Variants in ZMYM1 observed in about 807,000 individuals in gnomAD.
ZMYM1 encodes zinc finger MYM-type containing 1.
Under a neutral mutation model 60.0 loss-of-function variants are expected in ZMYM1, and 39 were observed. The observed-to-expected ratio is 0.65, with a 90% CI of 0.50 to 0.85. The LOEUF is 0.85. Among genes scored for constraint, ZMYM1 ranks in the 40% least tolerant of loss-of-function variants. The pLI is 0.00. For synonymous variants in ZMYM1, 413 were observed against 454.0 expected (o/e 0.91, Z 1.15); for missense variants, 1,171 against 1,309.5 (o/e 0.89, Z 1.63).
chr1:35,061,022 C>G (rs1034458194), intron 1 of ZMYM1, among the ~76,000 whole-genome samples: 1 of 152,222 alleles, frequency 6.6e-6, no homozygotes, highest in Admixed American at 6.5e-5. Context: ...CAATGGACAC[C>G]TGCCATGGCC....
chr1:35,083,394 C>T (rs1642492302), intron 1 of ZMYM1, among the ~76,000 whole-genome samples: 1 of 151,726 alleles, frequency 6.6e-6, no homozygotes, highest in South Asian at 2.1e-4. Context: ...CTAAGCAGTC[C>T]TCTGTCCTCT....
chr1:35,072,260 T>C (rs1642080965), intron 1 of ZMYM1, among the ~76,000 whole-genome samples: 1 of 152,222 alleles, frequency 6.6e-6, no homozygotes. Flanking sequence ...TTTTGCTCTG[T>C]TCAGATTTTC....
Position 35,115,217 on chromosome 1 carries a change from T to A in ZMYM1, c.3387T>A (p.Asn1129Lys). ...AACTAATGGAGCCTGAAAGACTCAA[T>A]GAAATTGTGGAAAAGTTTATCAGTC... is the stretch of plus-strand genomic sequence containing the variant. Reference protein sequence around the residue: ...VNKLMEPERLNEIVEKFISQM... With the variant: ...VNKLMEPERLKEIVEKFISQM... The change falls in exon 10 of 10, where the codon AAT becomes AAA. Residue 1129 changes from asparagine to lysine, a missense_variant. By Grantham distance (94) the Asn-to-Lys change is moderately conservative. Coordinates refer to ENST00000359858, the MANE Select transcript of ZMYM1 (RefSeq NM_024772.5). 1 of 1,600,350 alleles carries A rather than the reference T, an allele frequency of 6.2e-7. No homozygotes were observed. The highest frequency in any genetic ancestry group is 1.8e-5 in the Admixed American group (1 of 55,710).
At chr1:35,085,339 G>A (rs1030525464) in intron 1 of ZMYM1, among the ~76,000 whole-genome samples, 8 of 152,148 alleles carry the variant, frequency 5.3e-5, no homozygotes, top group Admixed American at 3.9e-4. Flanking sequence ...GAGCCACCGC[G>A]CCCGGCCCCC....
At chr1:35,060,206 G>T (rs1641847388) in intron 1 of ZMYM1, among the ~76,000 whole-genome samples, 2 of 150,808 alleles carry the variant, frequency 1.3e-5, no homozygotes, top group East Asian at 1.9e-4. Context: ...TTTCGCTCTT[G>T]TTGCCCAGGC....
At chr1:35,107,965 C>T (rs1275007698) in intron 6 of ZMYM1, among the ~76,000 whole-genome samples, 6 of 152,012 alleles carry the variant, frequency 3.9e-5, no homozygotes, top group East Asian at 1.9e-4. Flanking sequence ...AAAAATTAGC[C>T]GGGCATAGTG....
chr1:35,088,738 T>TA (rs2148503352), intron 1 of ZMYM1, among the ~76,000 whole-genome samples: 1 of 151,244 alleles, frequency 6.6e-6, no homozygotes, highest in African/African-American at 2.4e-5. Context: ...CATGTTTTGC[T>TA]CTTCTTATAG....
chr1:35,103,921 G>C (rs575336198), intron 4 of ZMYM1, among the ~76,000 whole-genome samples: 36 of 152,174 alleles, frequency 2.4e-4, no homozygotes, highest in African/African-American at 7.5e-4. Context: ...AATAATACAG[G>C]CTGGCTAGTC....
At position 35,113,382 on chromosome 1, in the gene ZMYM1, A is replaced by G. The variant is rs1459965512; in HGVS notation, c.1552A>G (p.Met518Val). The G allele has an allele frequency of 8.7e-6, 14 of 1,613,628 alleles. No homozygotes were observed. The highest frequency in any genetic ancestry group is 1.2e-5 in the Non-Finnish European group (14 of 1,179,940). Residue 518 changes from methionine to valine, a missense_variant, in exon 10 of 10, where the codon ATG becomes GTG. Coordinates refer to ENST00000359858, the MANE Select transcript of ZMYM1 (RefSeq NM_024772.5). ...ATTCAGAAAGCATGAAAAAAGTGAAATGCATTTGAAGTCATTGGAATTTTG... is the reference window on the plus strand; with the variant it reads ...ATTCAGAAAGCATGAAAAAAGTGAAGTGCATTTGAAGTCATTGGAATTTTG... ...EKFRKHEKSE[M>V]HLKSLEFWRE...
rs190999570 is a variant in ZMYM1, at chr1:35,067,224, C to T, written c.-301+7299C>T. Among the ~76,000 whole-genome samples the T allele has an allele frequency of 2.0e-3, 300 of 152,162 alleles. 1 individual carries two copies. The highest frequency in any genetic ancestry group is 0.01 in the Middle Eastern group (3 of 294). On this transcript the variant is annotated intron_variant, in intron 1 of 10. Coordinates refer to the ZMYM1 transcript ENST00000417119. ...GAACTCCTGACCTCAAGTGATCTGT[C>T]CACCTTGGCCTCTCAAAGTGCTGGA...
intron 3 of ZMYM1, 73 bp from the exon 4 acceptor site, chr1:35,097,244 A>C (rs1421042813): frequency 1.1e-5 from 17 of 1,495,332 alleles, no homozygotes; most frequent in Non-Finnish European, 1.3e-5. Context: ...AAAAGAAAGA[A>C]AGAAAATAAA....
chr1:35,101,321 C>A (rs533781064), intron 4 of ZMYM1, among the ~76,000 whole-genome samples: 1 of 151,184 alleles, frequency 6.6e-6, no homozygotes, highest in Non-Finnish European at 1.5e-5. Context: ...GTTGGCCAGG[C>A]TGGTCTCCCA....
intron 3 of ZMYM1, among the ~76,000 whole-genome samples, chr1:35,097,048 C>T (rs1643372951): frequency 6.6e-6 from 1 of 152,018 alleles, no homozygotes; most frequent in South Asian, 2.1e-4. Context: ...TGGTCTTGAA[C>T]TCTGACCTCA....
chr1:35,063,466 G>A (rs1166615466), intron 1 of ZMYM1, among the ~76,000 whole-genome samples: 14 of 151,874 alleles, frequency 9.2e-5, no homozygotes, highest in Admixed American at 9.2e-4. Flanking sequence ...AACCAATGGC[G>A]AATTTTTAAA....
At chr1:35,064,292 CA>C (rs371084383) in intron 1 of ZMYM1, among the ~76,000 whole-genome samples, 113 of 54,502 alleles carry the variant, frequency 2.1e-3, no homozygotes, top group Admixed American at 9.3e-3. Context: ...GATCCTGTCT[CA>C]AAAAAAAAAA....
chr1:35,108,376 C>A (rs1643964852), intron 6 of ZMYM1, among the ~76,000 whole-genome samples: 1 of 151,908 alleles, frequency 6.6e-6, no homozygotes, highest in Non-Finnish European at 1.5e-5. Context: ...TTTTGAGACA[C>A]AGTCTTGCTC....
intron 1 of ZMYM1, among the ~76,000 whole-genome samples, chr1:35,070,765 T>C (rs753419248): frequency 2.6e-5 from 4 of 152,070 alleles, no homozygotes; most frequent in Non-Finnish European, 4.4e-5. Flanking sequence ...ATATGGCCTT[T>C]ATTGTGTTGA....
At chr1:35,091,282 G>A (rs919639491) in intron 1 of ZMYM1, among the ~76,000 whole-genome samples, 5 of 151,776 alleles carry the variant, frequency 3.3e-5, no homozygotes, top group Non-Finnish European at 7.4e-5. Flanking sequence ...GCGCGATCTC[G>A]GCTCACTGCA....
chr1:35,093,920 G>A lies in ZMYM1; in HGVS notation c.-68G>A. 1.8e-6 allele frequency: 2 copies of A among 1,104,244 alleles called. No individual in the cohort carries two copies. The highest frequency in any genetic ancestry group is 1.3e-6 in the Non-Finnish European group (1 of 773,110). 68.4% of individuals were successfully genotyped at this position (1,104,244 alleles called of 1,614,324 possible). ...TATCAATATTTTATTTTAGGAATCT[G>A]GAAACTGTTCTTCAGGAAGAAACCC... On this transcript the variant is annotated 5_prime_UTR_variant, in exon 2 of 10. Transcript: ENST00000359858.
Sources: allele counts gnomAD v4.1 joint callset (sites outside exome capture counted in the v4.1 genomes callset), GRCh38; gene constraint gnomAD v4.1.1; transcripts MANE v1.5; gene names NCBI Gene and HGNC (gene_info 2026-07-23, HGNC 2026-07-21).